ELL2: variants seen among roughly 807,000 people sequenced by gnomAD.
The protein encoded by ELL2 is RNA polymerase II elongation factor ELL2.
In ELL2, 21 loss-of-function variants were observed where a neutral mutation model predicts 72.8. That is an observed-to-expected ratio of 0.29 (90% CI 0.20 to 0.42). ELL2 has a LOEUF of 0.42. Ranked by LOEUF, ELL2 falls within the 10% of genes least tolerant of loss-of-function variation. The pLI is 1.00. For missense variants in ELL2, 568 were observed against 772.8 expected (o/e 0.73, Z 3.14); for synonymous variants, 266 against 283.2 (o/e 0.94, Z 0.61).
At chr5:95,915,600 G>A (rs953692733) in intron 3 of ELL2, among the ~76,000 whole-genome samples, 4 of 152,016 alleles carry the variant, frequency 2.6e-5, no homozygotes, top group African/African-American at 9.7e-5. Flanking sequence ...GACAAGGATG[G>A]ACAAACTGGA....
intron 2 of ELL2, among the ~76,000 whole-genome samples, chr5:95,937,293 C>T (rs993509239): frequency 2.2e-4 from 34 of 152,144 alleles, no homozygotes; most frequent in African/African-American, 7.2e-4. Context: ...AAGTTATTCT[C>T]CCACACTCTG....
At chr5:95,912,467 T>C (rs1749643786) in intron 4 of ELL2, among the ~76,000 whole-genome samples, 1 of 152,208 alleles carries the variant, frequency 6.6e-6, no homozygotes, top group Non-Finnish European at 1.5e-5. Flanking sequence ...AGATCATTCA[T>C]AGTTTATACT....
intron 2 of ELL2, among the ~76,000 whole-genome samples, chr5:95,939,885 A>T (rs748437347): frequency 1.3e-5 from 2 of 152,218 alleles, no homozygotes; most frequent in Non-Finnish European, 2.9e-5. Flanking sequence ...GCAGTAGCCC[A>T]TGTGAACGTA....
chr5:95,951,561 G>T (rs1425846773), intron 1 of ELL2, among the ~76,000 whole-genome samples: 3 of 151,926 alleles, frequency 2.0e-5, no homozygotes, highest in African/African-American at 7.3e-5. Context: ...AGAAGTATAA[G>T]GAGAAGTGGT....
intron 1 of ELL2, among the ~76,000 whole-genome samples, chr5:95,955,408 G>A (rs1751591859): frequency 6.6e-6 from 1 of 152,134 alleles, no homozygotes; most frequent in Non-Finnish European, 1.5e-5. Context: ...GCAAATGCCA[G>A]TTTTGGTCTT....
intron 2 of ELL2, among the ~76,000 whole-genome samples, chr5:95,923,472 G>A (rs146370749): frequency 1.3e-5 from 2 of 152,280 alleles, no homozygotes; most frequent in African/African-American, 4.8e-5. Context: ...GGCAGGGGCA[G>A]GCATCAGGGC....
rs1561504155 is a variant in ELL2, at chr5:95,927,398, CATACACACACGTGTGTATATAG to C, written c.196-7875_196-7854del. Among the ~76,000 whole-genome samples the C allele has an allele frequency of 1.0e-3, 30 of 29,238 alleles. 4 individuals carry two copies. The highest frequency in any genetic ancestry group is 6.6e-3 in the South Asian group (3 of 456). 19.2% of individuals were successfully genotyped at this position (29,238 alleles called of 152,430 possible). A position where few individuals can be genotyped will look rare whatever the true frequency, so the allele number is the denominator to read the frequency against. ...ACACACACACGTGTGTATATATAGA[CATACACACACGTGTGTATATAG>C]ACATACACACACACGTGTGTATATA... On this transcript the variant is annotated intron_variant, in intron 2 of 11. Transcript: ENST00000237853.
intron 2 of ELL2, among the ~76,000 whole-genome samples, chr5:95,926,476 T>C (rs1359796895): frequency 6.6e-6 from 1 of 152,198 alleles, no homozygotes; most frequent in Non-Finnish European, 1.5e-5. Context: ...TCAGGTCATA[T>C]AACAATAATT....
At chr5:95,961,134 T>C (rs1222116635) in intron 1 of ELL2, among the ~76,000 whole-genome samples, 1 of 152,026 alleles carries the variant, frequency 6.6e-6, no homozygotes, top group Non-Finnish European at 1.5e-5. Context: ...CCTATGTAAC[T>C]GGAAAACGCG....
chr5:95,920,276 AATAT>A (rs1273570674), intron 2 of ELL2, among the ~76,000 whole-genome samples: 1 of 130,856 alleles, frequency 7.6e-6, no homozygotes. Context: ...TTAAATTTTT[AATAT>A]TTATTTATTT....
chr5:95,895,805 T>C (rs937511591), intron 8 of ELL2, 114 bp from the exon 9 acceptor site: 1 of 848,230 alleles, frequency 1.2e-6, no homozygotes, highest in Non-Finnish European at 2.0e-6. Flanking sequence ...AATTCTATTC[T>C]TCCATCTCAA....
chr5:95,887,064 T>G lies in ELL2; in HGVS notation c.*1807A>C, dbSNP rs909437043. On this transcript the variant is annotated 3_prime_UTR_variant, in exon 12 of 12. Coordinates refer to ENST00000237853, the MANE Select transcript of ELL2 (RefSeq NM_012081.6). ...TTTCAATTAAAAAGTTTGAAATAAATTAACGTTTAATAATGATTGTACCAA... is the reference window on the plus strand; with the variant it reads ...TTTCAATTAAAAAGTTTGAAATAAAGTAACGTTTAATAATGATTGTACCAA... 2.0e-5 allele frequency: 3 copies of G among 152,134 alleles called. No individual in the cohort carries two copies. The highest frequency in any genetic ancestry group is 7.2e-5 in the African/African-American group (3 of 41,422). The allele number at this position is 152,134 out of a possible 1,614,324, so 9.4% of individuals were successfully genotyped here.
chr5:95,910,095 T>C (rs1749525301), intron 4 of ELL2, among the ~76,000 whole-genome samples: 1 of 152,218 alleles, frequency 6.6e-6, no homozygotes, highest in Non-Finnish European at 1.5e-5. Context: ...TACCAAAATA[T>C]ATATACTGAA....
intron 8 of ELL2, 127 bp downstream of exon 8, chr5:95,898,113 T>C: frequency 1.5e-6 from 1 of 668,380 alleles, no homozygotes; most frequent in Non-Finnish European, 2.2e-6. Flanking sequence ...AAAAAACTGC[T>C]CAAAAGCACA....
chr5:95,933,696 A>G (rs1165258810), intron 2 of ELL2, among the ~76,000 whole-genome samples: 2 of 152,124 alleles, frequency 1.3e-5, no homozygotes, highest in Non-Finnish European at 2.9e-5. Flanking sequence ...CAATCAGAAA[A>G]ACAATAAAGG....
chr5:95,910,012 GT>G (rs1749522188), intron 4 of ELL2, among the ~76,000 whole-genome samples: 1 of 152,140 alleles, frequency 6.6e-6, no homozygotes, highest in South Asian at 2.1e-4. Flanking sequence ...CTCTGTCATG[GT>G]TAACTACATA....
chr5:95,946,735 C>G (rs1751172201), intron 1 of ELL2, among the ~76,000 whole-genome samples: 1 of 152,200 alleles, frequency 6.6e-6, no homozygotes, highest in South Asian at 2.1e-4. Context: ...CTTTCCTGTT[C>G]TTCCAACCTG....
chr5:95,907,294 A>ATTTTTTTTTTTTTTTTT (rs201354039), intron 4 of ELL2, among the ~76,000 whole-genome samples: 29 of 79,564 alleles, frequency 3.6e-4, no homozygotes, highest in African/African-American at 1.6e-3. Context: ...ATATATATAT[A>ATTTTTTTTTTTTTTTTT]TATTTTTTTT....
chr5:95,948,813 G>GT (rs946854174), intron 1 of ELL2, among the ~76,000 whole-genome samples: 1 of 152,186 alleles, frequency 6.6e-6, no homozygotes, highest in African/African-American at 2.4e-5. Flanking sequence ...GAGTTATCTT[G>GT]TATCTATTTC....
Sources: allele counts gnomAD v4.1 joint callset (sites outside exome capture counted in the v4.1 genomes callset), GRCh38; gene constraint gnomAD v4.1.1; transcripts MANE v1.5; gene names NCBI Gene and HGNC (gene_info 2026-07-23, HGNC 2026-07-21).